The following GRHL2 variants were observed in gnomAD, a reference collection of about 807,000 sequenced individuals.
GRHL2 encodes the protein grainyhead-like protein 2 homolog.
A neutral mutation model predicts 83.8 loss-of-function variants in GRHL2; 21 were observed. That is an observed-to-expected ratio of 0.25 (90% confidence interval 0.18 to 0.36). The LOEUF is 0.36. Ranked by LOEUF, GRHL2 falls within the 10% of genes least tolerant of loss-of-function variation. The pLI, the probability that GRHL2 is intolerant of heterozygous loss-of-function variation, is 1.00. For synonymous variants in GRHL2, 280 were observed against 278.9 expected, an observed-to-expected ratio of 1.00 and a Z score of -0.04; for missense variants, 623 against 781.8, an observed-to-expected ratio of 0.80 and a Z score of 2.42.
chr8:101,645,116 ATTTTT>A (rs553249046), intron 13 of GRHL2, among the ~76,000 whole-genome samples: 5 of 117,344 alleles, frequency 4.3e-5, no homozygotes, highest in African/African-American at 9.9e-5. Context: ...GCAGTACAGA[ATTTTT>A]TTTTTTTTTT....
rs1811866886 is a variant in GRHL2 at position 101,573,430 on chromosome 8, CG to C, written c.735-237del. Among the ~76,000 whole-genome samples the C allele has an allele frequency of 2.6e-5, 4 of 152,240 alleles. 1 individual carries two copies. The Middle Eastern group carries it at 0.014, about 518-fold the overall frequency. The stretch of plus-strand genomic sequence containing the variant: ...TTTTTGCACAATTGGCCAGGCACAT[CG>C]TGGACTTTATCCCCTTCCAAACCAT... On this transcript the variant is annotated intron_variant, in intron 5 of 15. Coordinates refer to ENST00000646743, the MANE Select transcript of GRHL2 (RefSeq NM_024915.4).
downstream of GRHL2, among the ~76,000 whole-genome samples, chr8:101,670,791 C>T (rs951253351): frequency 3.9e-5 from 6 of 152,196 alleles, no homozygotes; most frequent in African/African-American, 9.7e-5. Flanking sequence ...TTGTCAGTGT[C>T]GTGAAGTTCA....
chr8:101,679,131 T>A, the GRHL2 span, among the ~76,000 whole-genome samples: 1 of 131,302 alleles, frequency 7.6e-6, no homozygotes, highest in Non-Finnish European at 1.6e-5. Context: ...TACTCTGAGC[T>A]ACGGGAGGAC....
At chr8:101,541,147 GGTGTGTGTGTGTGTGTGTGT>G (rs56763374) in intron 1 of GRHL2, among the ~76,000 whole-genome samples, 11 of 144,342 alleles carry the variant, frequency 7.6e-5, no homozygotes, top group East Asian at 4.1e-4. Context: ...ACTATTTCAT[GGTGTGTGTGTGTGTGTGTGT>G]GTGTGTGTGT....
intron 8 of GRHL2, among the ~76,000 whole-genome samples, chr8:101,606,968 A>G (rs1356645778): frequency 2.0e-5 from 3 of 152,260 alleles, no homozygotes; most frequent in Non-Finnish European, 4.4e-5. Context: ...AGGTGTTCTC[A>G]CTTCTCATAC....
At chr8:101,552,598 C>T in intron 2 of GRHL2, 117 bp from the exon 3 acceptor site, 1 of 916,780 alleles carries the variant, frequency 1.1e-6, no homozygotes. Context: ...AGCAACTTTT[C>T]CACCATTTCC....
chr8:101,509,915 C>T (rs1159148760), intron 1 of GRHL2, among the ~76,000 whole-genome samples: 1 of 152,064 alleles, frequency 6.6e-6, no homozygotes, highest in Non-Finnish European at 1.5e-5. Flanking sequence ...AATGGTTCTC[C>T]TCCATAAAAC....
At chr8:101,651,725 A>G (rs1357837643) in intron 14 of GRHL2, among the ~76,000 whole-genome samples, 1 of 152,194 alleles carries the variant, frequency 6.6e-6, no homozygotes, top group African/African-American at 2.4e-5. Context: ...AGCTGAAGGT[A>G]CAGTGTGAGG....
At chr8:101,593,456 G>A (rs1464725489) in intron 7 of GRHL2, among the ~76,000 whole-genome samples, 1 of 152,042 alleles carries the variant, frequency 6.6e-6, no homozygotes, top group Non-Finnish European at 1.5e-5. Flanking sequence ...AATTCAATAT[G>A]TTCACAAAGA....
At chr8:101,531,101 AC>A (rs147697270) in intron 1 of GRHL2, among the ~76,000 whole-genome samples, 270 of 151,362 alleles carry the variant, frequency 1.8e-3, no homozygotes, top group African/African-American at 5.9e-3. Flanking sequence ...ATGATGGACC[AC>A]TCTGGAGGCT....
At position 101,628,595 on chromosome 8, in the gene GRHL2, A is replaced by G. The variant is rs140703267; in HGVS notation, c.1258-3042A>G. On this transcript the variant is annotated intron_variant, in intron 9 of 15. Coordinates refer to ENST00000646743, the MANE Select transcript of GRHL2 (RefSeq NM_024915.4). ...TTTTTATTTAAGAAATATGTTTTGTAAGGCTGTTGCTGGTGTAGATAGGGA... is the reference window on the plus strand; with the variant it reads ...TTTTTATTTAAGAAATATGTTTTGTGAGGCTGTTGCTGGTGTAGATAGGGA... Among the ~76,000 whole-genome samples, 538 of 152,246 alleles carry G rather than the reference A, an allele frequency of 3.5e-3. 6 individuals carry two copies. Among genetic ancestry groups the G allele is most frequent in the African/African-American group, 0.012 (500 of 41,566 alleles).
At position 101,666,797 on chromosome 8, in the gene GRHL2, C is replaced by T; in HGVS notation, c.*94C>T. 1.3e-6 allele frequency: 1 copy of T among 784,358 alleles called. No homozygotes were observed. Among genetic ancestry groups the T allele is most frequent in the East Asian group, 2.5e-5 (1 of 39,292 alleles). 48.6% of individuals were successfully genotyped at this position (784,358 alleles called of 1,614,324 possible). On this transcript the variant is annotated 3_prime_UTR_variant, in exon 16 of 16. Coordinates refer to ENST00000646743, the MANE Select transcript of GRHL2 (RefSeq NM_024915.4). ...AGCCCCAGAACCTGGAGACCCATCT[C>T]CCCCATCTCACAACTGCTGTTACAA...
Position 101,664,309 on chromosome 8 carries a change from ATGAG to A in GRHL2, c.1699-142_1699-139del, listed in dbSNP as rs2129767866. ...TCTATCCAAAGGGAGAGGCTCATAA[ATGAG>A]TGTTTTGAGAGTTCGACTCATGAGT... is the stretch of plus-strand genomic sequence containing the variant. On this transcript the variant is annotated intron_variant, in intron 14 of 15. Coordinates refer to ENST00000646743, the MANE Select transcript of GRHL2 (RefSeq NM_024915.4). 12 of 661,184 alleles carry A rather than the reference ATGAG, an allele frequency of 1.8e-5. No individual in the cohort carries two copies. In the South Asian group the frequency reaches 2.0e-4, roughly 11 times the overall value. The allele number at this position is 661,184 out of a possible 1,614,324, so 41.0% of individuals were successfully genotyped here. A position where few individuals can be genotyped will look rare whatever the true frequency, so the allele number is the denominator to read the frequency against.
intron 7 of GRHL2, 88 bp downstream of exon 7, chr8:101,577,607 C>G: frequency 1.2e-6 from 1 of 863,562 alleles, no homozygotes; most frequent in Non-Finnish European, 1.9e-6. Flanking sequence ...GTAATCACAG[C>G]TGGAGCCACA....
chr8:101,658,527 T>C (rs1201623518), intron 14 of GRHL2, among the ~76,000 whole-genome samples: 2 of 152,182 alleles, frequency 1.3e-5, no homozygotes, highest in Admixed American at 1.3e-4. Flanking sequence ...GGGGACCCAG[T>C]GACTCAATAA....
At chr8:101,593,495 G>A (rs532851609) in intron 7 of GRHL2, among the ~76,000 whole-genome samples, 8 of 152,092 alleles carry the variant, frequency 5.3e-5, no homozygotes, top group African/African-American at 1.4e-4. Context: ...TTTATAATTC[G>A]TTTAAAGCGG....
intron 1 of GRHL2, among the ~76,000 whole-genome samples, chr8:101,521,757 C>T (rs570262750): frequency 3.9e-5 from 6 of 152,198 alleles, no homozygotes; most frequent in African/African-American, 1.4e-4. Context: ...GACTTATATA[C>T]CTAGGGATTA....
At chr8:101,672,717 T>C (rs1374285663), downstream of GRHL2, among the ~76,000 whole-genome samples, 1 of 151,268 alleles carries the variant, frequency 6.6e-6, no homozygotes, top group Non-Finnish European at 1.5e-5. Context: ...ACAAAGATAC[T>C]CCTCGAGAAG....
chr8:101,609,692 A>G lies in GRHL2; in HGVS notation c.1099-9847A>G, dbSNP rs1301893120. ...TCTTCGGACTTTATTGTTAAGTGAA[A>G]AAAAGCAAGATGCAGACCTGTGTGC... On this transcript the variant is annotated intron_variant, in intron 8 of 15. Coordinates refer to ENST00000646743, the MANE Select transcript of GRHL2 (RefSeq NM_024915.4). Among the ~76,000 whole-genome samples, 7 of 151,014 alleles carry G rather than the reference A, an allele frequency of 4.6e-5. 2 individuals are homozygous for G. The highest frequency in any genetic ancestry group is 1.7e-4 in the African/African-American group (7 of 40,394).
Sources: gnomAD v4.1 joint callset for allele counts (sites outside exome capture counted in the v4.1 genomes callset) on GRCh38, gnomAD v4.1.1 for gene constraint, MANE v1.5 for transcripts, NCBI Gene and HGNC (gene_info 2026-07-23, HGNC 2026-07-21) for gene names.